Variants in SPANXN4 observed in about 807,000 individuals in gnomAD.
SPANXN4 encodes sperm protein associated with the nucleus on the X chromosome N4.
In SPANXN4, 5 loss-of-function variants were observed where a neutral mutation model predicts 6.0. The ratio of observed to expected loss-of-function variants is 0.83; its 90% CI spans 0.44 to 1.75. The LOEUF is 1.75. Ranked by LOEUF, SPANXN4 falls within the 40% of genes most tolerant of loss-of-function variation. The probability of loss-of-function intolerance (pLI) is 0.02; values close to 1 mark genes in which losing one functional copy is unlikely to be tolerated. For missense variants in SPANXN4, 157 were observed against 108.6 expected (o/e 1.45, Z -1.98); for synonymous variants, 45 against 38.0 (o/e 1.19, Z -0.68).
At chrX:143,027,844 A>C (rs772316330) in intron 1 of SPANXN4, among the ~76,000 whole-genome samples, 1 of 110,898 alleles carries the variant, frequency 9.0e-6, no homozygotes, top group African/African-American at 3.3e-5. Flanking sequence ...CAAAAAGGGC[A>C]AAAGGAGAAA....
At chrX:143,032,257 G>A (rs1360099358) in intron 1 of SPANXN4, among the ~76,000 whole-genome samples, 1 of 111,653 alleles carries the variant, frequency 9.0e-6, no homozygotes, top group Non-Finnish European at 1.9e-5. Flanking sequence ...CTAGAGAGAT[G>A]GGAACATGAT....
At chrX:143,026,142 C>A in intron 1 of SPANXN4, 50 bp downstream of exon 1, 1 of 1,091,483 alleles carries the variant, frequency 9.2e-7, no homozygotes, top group Non-Finnish European at 1.2e-6. Context: ...GAAAGACACA[C>A]AGATAGGGCG....
At chrX:143,037,848 A>C (rs1235011201), downstream of SPANXN4, among the ~76,000 whole-genome samples, 46 of 111,070 alleles carry the variant, frequency 4.1e-4, 2 homozygotes, top group Admixed American at 4.4e-3. Context: ...CTTGTGAAGA[A>C]GGTGCCTTGC....
At chrX:143,033,760 C>T (rs1206924338) in intron 1 of SPANXN4, among the ~76,000 whole-genome samples, 1 of 111,467 alleles carries the variant, frequency 9.0e-6, no homozygotes, top group Non-Finnish European at 1.9e-5. Context: ...ATGGCCTGAA[C>T]CCCCATGGAA....
chrX:143,026,932 G>C (rs7060147), intron 1 of SPANXN4, among the ~76,000 whole-genome samples: 23,425 of 111,167 alleles, frequency 0.21, 2,062 homozygotes, highest in South Asian at 0.32. Context: ...TGTAGAGCCT[G>C]CTTAGTGTGT....
exon 1 of SPANXN4, chrX:143,026,018 G>A (rs202071965): frequency 8.3e-7 from 1 of 1,206,225 alleles, no homozygotes; most frequent in Non-Finnish European, 1.1e-6. Context: ...CATAATCATG[G>A]AAGAGCCAAC....
chrX:143,027,560 A>G (rs987705173), intron 1 of SPANXN4, among the ~76,000 whole-genome samples: 1 of 111,374 alleles, frequency 9.0e-6, no homozygotes, highest in Admixed American at 9.6e-5. Flanking sequence ...GATCTGATAG[A>G]CTGGGGAGAA....
intron 1 of SPANXN4, among the ~76,000 whole-genome samples, chrX:143,032,154 C>T (rs944231196): frequency 3.6e-5 from 4 of 111,215 alleles, no homozygotes; most frequent in African/African-American, 1.3e-4. Flanking sequence ...CAGGTAAGGT[C>T]GTAAGATTGA....
At chrX:143,031,310 A>G (rs1932808424) in intron 1 of SPANXN4, among the ~76,000 whole-genome samples, 1 of 110,879 alleles carries the variant, frequency 9.0e-6, no homozygotes, top group East Asian at 2.9e-4. Context: ...ATATTCTGGT[A>G]AAACTGAATA....
downstream of SPANXN4, among the ~76,000 whole-genome samples, chrX:143,038,414 T>C (rs4548313): frequency 0.32 from 35,804 of 110,702 alleles, 4,276 homozygotes; most frequent in Admixed American, 0.41. Flanking sequence ...GGTCTTTAGC[T>C]GATGGCTACC....
At chrX:143,036,542 T>C (rs1432646191), downstream of SPANXN4, among the ~76,000 whole-genome samples, 1 of 112,051 alleles carries the variant, frequency 8.9e-6, no homozygotes, top group Non-Finnish European at 1.9e-5. Context: ...TTCATTGAAT[T>C]ATCGCGACAT....
intron 1 of SPANXN4, among the ~76,000 whole-genome samples, chrX:143,031,429 C>T (rs1315578694): frequency 1.8e-5 from 2 of 111,308 alleles, no homozygotes; most frequent in African/African-American, 6.5e-5. Flanking sequence ...AGACTCCAGG[C>T]CCTGTCAGTC....
chrX:143,034,075 G>C lies in SPANXN4; in HGVS notation c.126G>C (p.Glu42Asp), dbSNP rs367837033. The C allele has an allele frequency of 2.9e-5, 34 of 1,178,242 alleles. No homozygotes were observed. The South Asian group carries it at 5.3e-4, about 18-fold the overall frequency. ...CAGCCCCTGAACAGAGTTTGAAAGA[G>C]ACAGAAAAAGCAAAATATCCAACAT... The change falls in exon 2 of 3, where the codon GAG becomes GAC. Residue 42 changes from glutamate (E) to aspartate (D), a missense_variant. Glu to Asp is a conservative substitution (Grantham distance 45, BLOSUM62 2). Transcript: ENST00000370504.
At chrX:143,029,640 G>A (rs1160345349) in intron 1 of SPANXN4, among the ~76,000 whole-genome samples, 2 of 111,235 alleles carry the variant, frequency 1.8e-5, no homozygotes, top group African/African-American at 6.6e-5. Context: ...ATATTAACAG[G>A]GAGGAGGGTG....
At chrX:143,035,665 G>T (rs1219804651), downstream of SPANXN4, among the ~76,000 whole-genome samples, 1 of 110,161 alleles carries the variant, frequency 9.1e-6, no homozygotes. Flanking sequence ...TTATTTTAAA[G>T]AAATTTTATT....
intron 1 of SPANXN4, among the ~76,000 whole-genome samples, chrX:143,031,836 T>C (rs1430186478): frequency 2.7e-5 from 3 of 111,530 alleles, no homozygotes; most frequent in African/African-American, 9.8e-5. Context: ...GGAGATAAAG[T>C]GTAAATGAAG....
At chrX:143,026,452 G>A (rs985398647) in intron 1 of SPANXN4, among the ~76,000 whole-genome samples, 1 of 111,390 alleles carries the variant, frequency 9.0e-6, no homozygotes, top group Non-Finnish European at 1.9e-5. Flanking sequence ...GCAGTTAGGC[G>A]GGATTTTTCT....
chrX:143,026,353 T>A (rs1301327904), intron 1 of SPANXN4, among the ~76,000 whole-genome samples: 1 of 111,561 alleles, frequency 9.0e-6, no homozygotes, highest in East Asian at 2.8e-4. Context: ...TCTGGTGGGA[T>A]GTCATCATGG....
chrX:143,038,423 C>T (rs553469861), downstream of SPANXN4, among the ~76,000 whole-genome samples: 28 of 112,080 alleles, frequency 2.5e-4, no homozygotes, highest in South Asian at 9.3e-3. Context: ...CTGATGGCTA[C>T]CTCCACACTT....
Sources: gnomAD v4.1 joint callset for allele counts (sites outside exome capture counted in the v4.1 genomes callset) on GRCh38, gnomAD v4.1.1 for gene constraint, MANE v1.5 for transcripts, NCBI Gene and HGNC (gene_info 2026-07-23, HGNC 2026-07-21) for gene names.